The following ZNF236 variants were observed in gnomAD, a reference collection of about 807,000 sequenced individuals.
ZNF236 encodes the protein regulated by glucose.
ZNF236 carries 50 observed loss-of-function variants against 191.2 expected under a neutral mutation model. The ratio of observed to expected loss-of-function variants is 0.26; its 90% CI spans 0.21 to 0.33. The LOEUF is 0.33. ZNF236 is among the 10% of genes least tolerant of loss of function. The pLI is 1.00. For missense variants in ZNF236, 1,754 were observed against 2,374.5 expected, an observed-to-expected ratio of 0.74 and a Z score of 5.43; for synonymous variants, 907 against 928.8, an observed-to-expected ratio of 0.98 and a Z score of 0.43.
At chr18:76,881,220 T>G in intron 8 of ZNF236, 64 bp from the exon 9 acceptor site, 9 of 1,408,844 alleles carry the variant, frequency 6.4e-6, no homozygotes, top group Non-Finnish European at 8.8e-6. Context: ...AGCTTTTGAC[T>G]GATTTTGGTA....
At chr18:76,897,401 G>A (rs116519027) in intron 10 of ZNF236, among the ~76,000 whole-genome samples, 3,493 of 146,718 alleles carry the variant, frequency 0.024, 105 homozygotes, top group African/African-American at 0.07. Flanking sequence ...ACAGTACTGC[G>A]CTCAGGTACT....
chr18:76,926,264 T>C (rs777642412), intron 22 of ZNF236, among the ~76,000 whole-genome samples: 3 of 151,918 alleles, frequency 2.0e-5, no homozygotes, highest in South Asian at 2.1e-4. Flanking sequence ...GATTAGACTG[T>C]ATGTGGATAT....
At chr18:76,884,558 C>A (rs539880923) in intron 9 of ZNF236, among the ~76,000 whole-genome samples, 1 of 152,258 alleles carries the variant, frequency 6.6e-6, no homozygotes, top group African/African-American at 2.4e-5. Context: ...AAAGTCCTTG[C>A]ATACTTTACC....
intron 26 of ZNF236, 152 bp downstream of exon 26, chr18:76,937,495 T>TA (rs36033370): frequency 0.029 from 20,112 of 701,498 alleles, 586 homozygotes; most frequent in African/African-American, 0.11. Context: ...ACGGTAAATA[T>TA]AAAAGGGGAT....
chr18:76,860,158 G>A (rs1976171803), intron 3 of ZNF236, among the ~76,000 whole-genome samples: 1 of 152,154 alleles, frequency 6.6e-6, no homozygotes, highest in Non-Finnish European at 1.5e-5. Flanking sequence ...GTGTGGTCTA[G>A]GCAGAGAGGT....
intron 3 of ZNF236, among the ~76,000 whole-genome samples, chr18:76,858,205 T>C (rs561564579): frequency 6.6e-6 from 1 of 152,366 alleles, no homozygotes; most frequent in African/African-American, 2.4e-5. Context: ...TTATATCATT[T>C]ATTCGTTTTC....
intron 9 of ZNF236, among the ~76,000 whole-genome samples, chr18:76,890,534 A>G (rs1307449920): frequency 1.3e-5 from 2 of 152,208 alleles, no homozygotes; most frequent in East Asian, 1.9e-4. Flanking sequence ...AGTCATGTAG[A>G]TTTACCCTTC....
rs1203914346 is a variant in ZNF236, at chr18:76,927,849, A to G, written c.4415-78A>G. 4 of 1,088,758 alleles carry G rather than the reference A, an allele frequency of 3.7e-6. No homozygotes were observed. Among genetic ancestry groups the G allele is most frequent in the Non-Finnish European group, 5.1e-6 (4 of 786,574 alleles). The allele number at this position is 1,088,758 out of a possible 1,614,324, so 67.4% of individuals were successfully genotyped here. A position where few individuals can be genotyped will look rare whatever the true frequency, so the allele number is the denominator to read the frequency against. On this transcript the variant is annotated intron_variant, in intron 24 of 30. Coordinates refer to ENST00000320610, the MANE Select transcript of ZNF236 (RefSeq NM_001306089.2). This position sits in a 1 kb window ranked among gnomAD's most constrained non-coding sequence, Gnocchi z 5.4. ...TGAAATATGTAATAACAGTTTAATT[A>G]AAATATTTTTAATATAAAAACAGGG...
chr18:76,877,941 C>T, intron 6 of ZNF236, 68 bp from the exon 7 acceptor site: 3 of 1,232,558 alleles, frequency 2.4e-6, no homozygotes, highest in South Asian at 1.7e-5. Context: ...TATGATTTGC[C>T]ATAATTTAGA....
At chr18:76,853,649 G>A (rs116300442) in intron 3 of ZNF236, among the ~76,000 whole-genome samples, 3,873 of 152,178 alleles carry the variant, frequency 0.025, 148 homozygotes, top group African/African-American at 0.086. Flanking sequence ...TCAGTTAGAC[G>A]GGAGGAGTAA....
intron 5 of ZNF236, among the ~76,000 whole-genome samples, chr18:76,874,422 C>G (rs1330172223): frequency 6.6e-6 from 1 of 151,930 alleles, no homozygotes; most frequent in Non-Finnish European, 1.5e-5. Flanking sequence ...TTTGCTCATT[C>G]CTTCATTCAT....
intron 25 of ZNF236, among the ~76,000 whole-genome samples, chr18:76,932,206 C>A (rs1034600579): frequency 5.9e-5 from 9 of 152,262 alleles, no homozygotes; most frequent in African/African-American, 2.2e-4. Flanking sequence ...CAGGGGGTGG[C>A]TCTGTGGCTT....
At chr18:76,909,318 CAA>C (rs34878586) in intron 14 of ZNF236, among the ~76,000 whole-genome samples, 6 of 119,424 alleles carry the variant, frequency 5.0e-5, no homozygotes, top group Admixed American at 8.9e-5. Context: ...GACTCTGTCT[CAA>C]AAAAAAAAAA....
chr18:76,887,720 G>A (rs1033000412), intron 9 of ZNF236, among the ~76,000 whole-genome samples: 2 of 152,196 alleles, frequency 1.3e-5, no homozygotes, highest in African/African-American at 4.8e-5. Flanking sequence ...AGAGAGACAT[G>A]TACAGGGCAA....
At position 76,913,892 on chromosome 18, in the gene ZNF236, C is replaced by T; in HGVS notation, c.3055C>T (p.His1019Tyr). ...GGTCCTCAAGTCCCACGAGAAGACA[C>T]ACACAGGTCACTGTCTGCCTTATAC... The part of the protein sequence containing the change: ...SGVLKSHEKT[H>Y]TGVKAFSCSV... Residue 1019 changes from histidine to tyrosine, a missense_variant, in exon 18 of 31, where the codon CAC becomes TAC. Physicochemically the swap from His to Tyr is moderately conservative, Grantham distance 83 (BLOSUM62 2). Transcript: ENST00000320610. The T allele has an allele frequency of 1.9e-6, 3 of 1,614,194 alleles. No individual in the cohort carries two copies. The highest frequency in any genetic ancestry group is 2.7e-5 in the African/African-American group (2 of 75,056).
intron 1 of ZNF236, among the ~76,000 whole-genome samples, chr18:76,833,321 T>C (rs1437604626): frequency 1.3e-5 from 2 of 152,188 alleles, no homozygotes; most frequent in African/African-American, 2.4e-5. Context: ...ACTAGGGTGC[T>C]TGTTGTGGGT....
intron 28 of ZNF236, among the ~76,000 whole-genome samples, chr18:76,958,877 G>A (rs571684492): frequency 1.3e-5 from 2 of 152,188 alleles, no homozygotes; most frequent in South Asian, 2.1e-4. Context: ...GAACACAGGC[G>A]GTCACATGGA....
In ZNF236 at chr18:76,868,670, G is replaced by A. The variant is rs1362526905; in HGVS notation, c.364-15G>A. ...GAAAGGTTTGCTCTGCTCACCGATGGGTTTTCTCTTCCAGAATCTCATCTG... is the reference window on the plus strand; with the variant it reads ...GAAAGGTTTGCTCTGCTCACCGATGAGTTTTCTCTTCCAGAATCTCATCTG... On this transcript the variant is annotated splice_polypyrimidine_tract_variant and intron_variant, in intron 3 of 30. Transcript: ENST00000320610. 1.3e-6 allele frequency: 2 copies of A among 1,583,436 alleles called. No individual in the cohort carries two copies. The highest frequency in any genetic ancestry group is 1.4e-5 in the African/African-American group (1 of 73,930).
chr18:76,935,389 C>A (rs1263945506), intron 25 of ZNF236, among the ~76,000 whole-genome samples: 1 of 152,214 alleles, frequency 6.6e-6, no homozygotes, highest in Non-Finnish European at 1.5e-5. Flanking sequence ...TGTCAGGTTT[C>A]ACTTTAATCA....
Sources: gnomAD v4.1 joint callset for allele counts (sites outside exome capture counted in the v4.1 genomes callset) on GRCh38, gnomAD v4.1.1 for gene constraint, Gnocchi (gnomAD v3.1) non-coding constraint, MANE v1.5 for transcripts, NCBI Gene and HGNC (gene_info 2026-07-23, HGNC 2026-07-21) for gene names.